Variants in ITGB8 observed in about 807,000 individuals in gnomAD.
ITGB8 encodes integrin subunit beta 8.
A neutral mutation model predicts 89.5 loss-of-function variants in ITGB8; 30 were observed. The observed-to-expected ratio is 0.34, with a 90% CI of 0.25 to 0.45. The LOEUF (loss-of-function observed/expected upper bound fraction) is 0.45. ITGB8 is among the 20% of genes least tolerant of loss of function. The probability of loss-of-function intolerance (pLI) is 1.00; values close to 1 mark genes in which losing one functional copy is unlikely to be tolerated. For synonymous variants in ITGB8, 335 were observed against 320.4 expected, an observed-to-expected ratio of 1.05 and a Z score of -0.49; for missense variants, 836 against 933.3, an observed-to-expected ratio of 0.90 and a Z score of 1.36.
chr7:20,353,881 G>C (rs1282252424), intron 1 of ITGB8, among the ~76,000 whole-genome samples: 4 of 116,860 alleles, frequency 3.4e-5, no homozygotes, highest in Non-Finnish European at 6.3e-5. Context: ...GCAGTGAGCC[G>C]AGATCGCGCC....
intron 3 of ITGB8, among the ~76,000 whole-genome samples, chr7:20,370,387 T>C (rs2127950758): frequency 6.6e-6 from 1 of 151,484 alleles, no homozygotes; most frequent in East Asian, 1.9e-4. Flanking sequence ...TAGAGAACCC[T>C]AAGAAACCTA....
chr7:20,345,253 T>C (rs1365914382), intron 1 of ITGB8, among the ~76,000 whole-genome samples: 1 of 152,166 alleles, frequency 6.6e-6, no homozygotes, highest in East Asian at 1.9e-4. Flanking sequence ...TTTTAAAATC[T>C]AAGATGTGCT....
intron 1 of ITGB8, among the ~76,000 whole-genome samples, chr7:20,350,641 C>T (rs1480871955): frequency 1.3e-5 from 2 of 152,166 alleles, no homozygotes; most frequent in East Asian, 3.8e-4. Context: ...GAACATTTTT[C>T]CTACATCATC....
chr7:20,369,209 A>C (rs1785830072), intron 3 of ITGB8, among the ~76,000 whole-genome samples: 1 of 152,234 alleles, frequency 6.6e-6, no homozygotes, highest in Non-Finnish European at 1.5e-5. Context: ...TTGCACATGA[A>C]GTAAATAGGA....
chr7:20,396,988 A>G (rs7804941), intron 8 of ITGB8, among the ~76,000 whole-genome samples: 1 of 152,162 alleles, frequency 6.6e-6, no homozygotes, highest in East Asian at 1.9e-4. Context: ...ATATGTTTAT[A>G]TTATCAAAAA....
At chr7:20,377,756 G>T (rs1057231496) in intron 3 of ITGB8, among the ~76,000 whole-genome samples, 2 of 152,134 alleles carry the variant, frequency 1.3e-5, no homozygotes, top group Non-Finnish European at 2.9e-5. Context: ...GGGGTTGCCT[G>T]CACAGAAAAA....
intron 8 of ITGB8, among the ~76,000 whole-genome samples, chr7:20,397,439 T>C (rs191474686): frequency 6.6e-5 from 10 of 152,318 alleles, no homozygotes; most frequent in Admixed American, 2.0e-4. Context: ...TTAGCCACGC[T>C]GGTCTGGAAC....
In ITGB8 at chr7:20,413,491, T is replaced by G. The variant is rs1299575784; in HGVS notation, c.*3494T>G. On this transcript the variant is annotated 3_prime_UTR_variant, in exon 14 of 14. Transcript: ENST00000222573. The stretch of plus-strand genomic sequence containing the variant: ...GAATTATATTCTTCCTGGAACCTGG[T>G]AGAGTAGATTAGACTCAAAGGCTTT... The G allele has an allele frequency of 1.3e-5, 2 of 152,574 alleles. No individual in the cohort carries two copies. The highest frequency in any genetic ancestry group is 2.4e-5 in the African/African-American group (1 of 41,468). The allele number at this position is 152,574 out of a possible 1,614,324, so 9.5% of individuals were successfully genotyped here.
intron 3 of ITGB8, among the ~76,000 whole-genome samples, chr7:20,369,591 T>C (rs1475749080): frequency 6.6e-6 from 1 of 152,210 alleles, no homozygotes; most frequent in Non-Finnish European, 1.5e-5. Flanking sequence ...TACTGTCACA[T>C]TGGAGGTTAG....
intron 1 of ITGB8, 198 bp downstream of exon 1, chr7:20,332,131 G>T: frequency 8.4e-7 from 1 of 1,195,738 alleles, no homozygotes; most frequent in East Asian, 2.6e-5. Context: ...TGGAGCGACA[G>T]CAAGGACTAA....
In ITGB8 at chr7:20,367,127, C is replaced by T. The variant is rs1351281518; in HGVS notation, c.329C>T (p.Thr110Ile). The change falls in exon 3 of 14, where the codon ACT becomes ATT. Residue 110 changes from threonine to isoleucine, a missense_variant. This residue lies in a region of ITGB8 where 182 missense variants were observed against 177.0 expected (regional missense o/e 1.03). Coordinates refer to ENST00000222573, the MANE Select transcript of ITGB8 (RefSeq NM_002214.3). ...EYPSVHVIIP[T>I]ENEINTQVTP... ...CCATCTGTGCATGTTATAATACCCA[C>T]TGAAAATGAAATTAATACCCAGGTG... The T allele has an allele frequency of 1.2e-6, 2 of 1,612,440 alleles. No individual in the cohort carries two copies. Among genetic ancestry groups the T allele is most frequent in the Non-Finnish European group, 1.7e-6 (2 of 1,178,600 alleles).
chr7:20,337,546 C>T (rs1028718396), intron 1 of ITGB8, among the ~76,000 whole-genome samples: 1 of 152,120 alleles, frequency 6.6e-6, no homozygotes, highest in South Asian at 2.1e-4. Context: ...TGCTTACAAC[C>T]CTGTTAGTTA....
intron 6 of ITGB8, among the ~76,000 whole-genome samples, chr7:20,389,580 G>A (rs1246957050): frequency 1.3e-5 from 2 of 152,146 alleles, no homozygotes; most frequent in African/African-American, 2.4e-5. Flanking sequence ...GTATTAAATT[G>A]TCCTTAAAAT....
intron 2 of ITGB8, 27 bp from the exon 3 acceptor site, chr7:20,366,985 A>G (rs1209245535): frequency 1.9e-6 from 3 of 1,553,886 alleles, no homozygotes; most frequent in Admixed American, 3.7e-5. Context: ...CACTAAAAAC[A>G]TCAGTGATTT....
intron 6 of ITGB8, among the ~76,000 whole-genome samples, chr7:20,383,841 G>A (rs1786501505): frequency 6.6e-6 from 1 of 152,096 alleles, no homozygotes; most frequent in South Asian, 2.1e-4. Flanking sequence ...GTATTTAAAG[G>A]AGTGACCCTT....
chr7:20,376,551 T>G (rs1018825617), intron 3 of ITGB8, among the ~76,000 whole-genome samples: 2 of 151,882 alleles, frequency 1.3e-5, no homozygotes, highest in African/African-American at 4.8e-5. Flanking sequence ...CCCCCAAGAG[T>G]CTTCTCCTTT....
chr7:20,408,810 C>T (rs1172698623), intron 12 of ITGB8, among the ~76,000 whole-genome samples: 1 of 152,082 alleles, frequency 6.6e-6, no homozygotes, highest in African/African-American at 2.4e-5. Context: ...AGATCTGGTG[C>T]TAAAATGAGA....
At chr7:20,396,446 A>G (rs1787083834) in intron 8 of ITGB8, among the ~76,000 whole-genome samples, 1 of 152,104 alleles carries the variant, frequency 6.6e-6, no homozygotes, top group South Asian at 2.1e-4. Flanking sequence ...AAAAAAAAAA[A>G]ATTAAGAACT....
chr7:20,384,078 G>A (rs1183929143), intron 6 of ITGB8, among the ~76,000 whole-genome samples: 1 of 152,118 alleles, frequency 6.6e-6, no homozygotes, highest in Non-Finnish European at 1.5e-5. Context: ...TTCAAGATGT[G>A]CTCCTGCTTT....
Sources: gnomAD v4.1 joint callset for allele counts (sites outside exome capture counted in the v4.1 genomes callset) on GRCh38, gnomAD v4.1.1 for gene constraint, gnomAD v4.1.1 regional missense constraint, MANE v1.5 for transcripts, NCBI Gene and HGNC (gene_info 2026-07-23, HGNC 2026-07-21) for gene names.